The following HPSE2 variants were observed in gnomAD, a reference collection of about 807,000 sequenced individuals.
The protein encoded by HPSE2 is inactive heparanase-2.
Under a neutral mutation model 60.5 loss-of-function variants are expected in HPSE2, and 38 were observed. That is an observed-to-expected ratio of 0.63 (90% CI 0.48 to 0.82). HPSE2 has a LOEUF of 0.82. Among genes scored for constraint, HPSE2 ranks in the 40% least tolerant of loss-of-function variants. HPSE2 has a pLI of 0.00. For missense variants in HPSE2, 713 were observed against 740.4 expected, an observed-to-expected ratio of 0.96 and a Z score of 0.43; for synonymous variants, 295 against 293.2, an observed-to-expected ratio of 1.01 and a Z score of -0.06.
chr10:99,228,311 G>A (rs974410828), intron 2 of HPSE2, among the ~76,000 whole-genome samples: 2 of 152,110 alleles, frequency 1.3e-5, no homozygotes, highest in African/African-American at 2.4e-5. Context: ...AACATATTAT[G>A]TAAGCAATCC....
At chr10:98,630,962 C>T (rs1006153410) in intron 7 of HPSE2, among the ~76,000 whole-genome samples, 80 of 152,330 alleles carry the variant, frequency 5.3e-4, no homozygotes, top group African/African-American at 1.7e-3. Context: ...CCATATTTAA[C>T]ATGTCCTTCT....
At chr10:98,584,716 A>G (rs1317541679) in intron 9 of HPSE2, among the ~76,000 whole-genome samples, 1 of 152,206 alleles carries the variant, frequency 6.6e-6, no homozygotes, top group African/African-American at 2.4e-5. Flanking sequence ...CCCCATTCTA[A>G]GATGCTACCA....
At chr10:98,734,177 G>A (rs1449955635) in intron 4 of HPSE2, among the ~76,000 whole-genome samples, 2 of 152,158 alleles carry the variant, frequency 1.3e-5, no homozygotes, top group African/African-American at 2.4e-5. Context: ...TTTGTAGAAT[G>A]TATCAGTACT....
chr10:98,666,903 A>G (rs969743165), intron 6 of HPSE2, among the ~76,000 whole-genome samples: 1 of 152,066 alleles, frequency 6.6e-6, no homozygotes, highest in African/African-American at 2.4e-5. Context: ...TCTAGAAGAA[A>G]AAGAGTAATA....
intron 3 of HPSE2, among the ~76,000 whole-genome samples, chr10:98,889,331 T>TA (rs1953265503): frequency 6.6e-6 from 1 of 151,482 alleles, no homozygotes; most frequent in African/African-American, 2.4e-5. Context: ...CACAGGTATG[T>TA]ACCACCACGC....
chr10:99,279,675 G>A, the HPSE2 span, among the ~76,000 whole-genome samples: 5 of 152,170 alleles, frequency 3.3e-5, no homozygotes, highest in Non-Finnish European at 5.9e-5. Flanking sequence ...ATAATCTCCA[G>A]CTTTGTCCCA....
chr10:99,045,921 G>A (rs1159644141), intron 3 of HPSE2, among the ~76,000 whole-genome samples: 2 of 152,110 alleles, frequency 1.3e-5, no homozygotes, highest in Non-Finnish European at 2.9e-5. Context: ...AAGAAGAACT[G>A]GTAGCAATCC....
rs377253454 is a variant in HPSE2, at chr10:98,641,874, G to C, written c.1071C>G (p.Leu357=). The C allele has an allele frequency of 3.0e-5, 49 of 1,613,542 alleles. No homozygotes were observed. Among genetic ancestry groups the C allele is most frequent in the Non-Finnish European group, 3.9e-5 (46 of 1,179,660 alleles). ...DFLKTRLLDT[L]SDQIRKIQKV... is the part of the protein sequence containing the mutation. ...TCTGAATTTTCCTAATCTGGTCAGA[G>C]AGTGTGTCTAACAGGCGAGTTTTCA... Residue 357 remains leucine (L), a synonymous_variant, in exon 7 of 12, where the codon CTC becomes CTG. Coordinates refer to ENST00000370552, the MANE Select transcript of HPSE2 (RefSeq NM_021828.5).
chr10:98,911,527 C>A (rs965712637), intron 3 of HPSE2, among the ~76,000 whole-genome samples: 4 of 152,046 alleles, frequency 2.6e-5, no homozygotes, highest in Non-Finnish European at 4.4e-5. Flanking sequence ...TGAAATAGCA[C>A]AGAGACATTA....
chr10:98,522,446 G>A (rs544164552), intron 9 of HPSE2, among the ~76,000 whole-genome samples: 1 of 152,122 alleles, frequency 6.6e-6, no homozygotes, highest in South Asian at 2.1e-4. Flanking sequence ...TGTGGAATAA[G>A]GCCATCTCTG....
intron 3 of HPSE2, among the ~76,000 whole-genome samples, chr10:99,112,094 T>C (rs1052969513): frequency 2.0e-5 from 3 of 152,172 alleles, no homozygotes; most frequent in Non-Finnish European, 2.9e-5. Flanking sequence ...TCCAAGTTTA[T>C]GAATGAGGAA....
intron 9 of HPSE2, among the ~76,000 whole-genome samples, chr10:98,542,518 T>C (rs915581990): frequency 2.6e-5 from 4 of 151,902 alleles, no homozygotes; most frequent in African/African-American, 7.2e-5. Flanking sequence ...CTTCAGACAA[T>C]CAAATTACTC....
chr10:98,964,817 A>G (rs77967246), intron 3 of HPSE2, among the ~76,000 whole-genome samples: 1 of 152,300 alleles, frequency 6.6e-6, no homozygotes, highest in East Asian at 1.9e-4. Context: ...TTATCATCAT[A>G]CAAATAACTC....
At position 99,218,895 on chromosome 10, in the gene HPSE2, A is replaced by G. The variant is rs544949493; in HGVS notation, c.448+13453T>C. On this transcript the variant is annotated intron_variant, in intron 2 of 11. Coordinates refer to ENST00000370552, the MANE Select transcript of HPSE2 (RefSeq NM_021828.5). Reference sequence around the variant, plus strand: ...AAGGAGATTCGTAATGGCCAGGCAAATAAGTCCATGATCTGCTTTTCCAAC... The same window carrying G: ...AAGGAGATTCGTAATGGCCAGGCAAGTAAGTCCATGATCTGCTTTTCCAAC... Among the ~76,000 whole-genome samples the G allele has an allele frequency of 7.2e-5, 11 of 152,340 alleles. No individual in the cohort carries two copies. The East Asian group carries it at 2.1e-3, about 29-fold the overall frequency.
chr10:98,807,762 A>G (rs1951074948), intron 3 of HPSE2, among the ~76,000 whole-genome samples: 1 of 152,234 alleles, frequency 6.6e-6, no homozygotes, highest in Non-Finnish European at 1.5e-5. Flanking sequence ...AGAGTTCCTT[A>G]TATCTTCTTG....
At chr10:99,313,571 G>T in the HPSE2 span, among the ~76,000 whole-genome samples, 1 of 144,136 alleles carries the variant, frequency 6.9e-6, no homozygotes, top group East Asian at 2.1e-4. Flanking sequence ...GCAGCAGCAG[G>T]GTTTGAGATG....
chr10:99,285,439 A>G, the HPSE2 span, among the ~76,000 whole-genome samples: 2 of 142,446 alleles, frequency 1.4e-5, no homozygotes, highest in Non-Finnish European at 1.5e-5. Context: ...CAATAAAAAA[A>G]AAGAAATGCA....
intron 3 of HPSE2, among the ~76,000 whole-genome samples, chr10:99,093,272 T>C (rs1843581313): frequency 6.6e-6 from 1 of 152,064 alleles, no homozygotes; most frequent in African/African-American, 2.4e-5. Flanking sequence ...AATTCCCCTC[T>C]CAGCTCTGTT....
chr10:98,812,892 A>G (rs971599369), intron 3 of HPSE2, among the ~76,000 whole-genome samples: 1 of 152,200 alleles, frequency 6.6e-6, no homozygotes, highest in Non-Finnish European at 1.5e-5. Context: ...AGGTTTGGAT[A>G]GGAAACCCTA....
Sources: allele counts gnomAD v4.1 joint callset (sites outside exome capture counted in the v4.1 genomes callset), GRCh38; gene constraint gnomAD v4.1.1; transcripts MANE v1.5; gene names NCBI Gene and HGNC (gene_info 2026-07-23, HGNC 2026-07-21).